The following CDH4 variants were observed in gnomAD, a reference collection of about 807,000 sequenced individuals.
CDH4 encodes the protein cadherin-4.
Under a neutral mutation model 86.0 loss-of-function variants are expected in CDH4, and 33 were observed. The observed-to-expected ratio is 0.38, with a 90% CI of 0.29 to 0.51. CDH4 has a LOEUF of 0.51. Among genes scored for constraint, CDH4 ranks in the 20% least tolerant of loss-of-function variants. The probability of loss-of-function intolerance (pLI) is 0.86; values close to 1 mark genes in which losing one functional copy is unlikely to be tolerated. For missense variants in CDH4, 1,114 were observed against 1,307.4 expected (o/e 0.85, Z 2.28); for synonymous variants, 555 against 549.4 (o/e 1.01, Z -0.14).
At chr20:61,830,433 A>T (rs1981543116) in intron 4 of CDH4, among the ~76,000 whole-genome samples, 1 of 151,776 alleles carries the variant, frequency 6.6e-6, no homozygotes, top group Non-Finnish European at 1.5e-5. Context: ...AGGGCAGCAC[A>T]CACCTCCCGG....
chr20:61,750,554 A>G (rs1986191091), intron 3 of CDH4, among the ~76,000 whole-genome samples: 1 of 152,232 alleles, frequency 6.6e-6, no homozygotes, highest in South Asian at 2.1e-4. Context: ...CAAATCTTAC[A>G]CAAACCTATC....
rs75601175 is a variant in CDH4 at position 61,582,222 on chromosome 20, C to T, written c.170-161341C>T. Among the ~76,000 whole-genome samples the T allele has an allele frequency of 3.7e-3, 566 of 152,358 alleles. 25 individuals are homozygous for T. In the East Asian group the frequency reaches 0.085, roughly 23 times the overall value. On this transcript the variant is annotated intron_variant, in intron 2 of 15. Coordinates refer to ENST00000614565, the MANE Select transcript of CDH4 (RefSeq NM_001794.5). This position sits in a 1 kb window ranked among gnomAD's most constrained non-coding sequence, Gnocchi z 4.2. ...GACCTCTGCAGCTTCTTCCTAATGC[C>T]GCCTCCCCACCTCCAATCACAGAGG... is the stretch of plus-strand genomic sequence containing the variant.
In CDH4 at chr20:61,560,645, G is replaced by A. The variant is rs73134549; in HGVS notation, c.170-182918G>A. On this transcript the variant is annotated intron_variant, in intron 2 of 15. Coordinates refer to ENST00000614565, the MANE Select transcript of CDH4 (RefSeq NM_001794.5). ...GCAGCCCCACCCGCGGGGCCCTGGCGAGGGCTGAGTGCCTGAGTCCACAGA... is the reference window on the plus strand; with the variant it reads ...GCAGCCCCACCCGCGGGGCCCTGGCAAGGGCTGAGTGCCTGAGTCCACAGA... Among the ~76,000 whole-genome samples, 600 of 152,346 alleles carry A rather than the reference G, an allele frequency of 3.9e-3. 3 individuals are homozygous for A. Among genetic ancestry groups the A allele is most frequent in the Non-Finnish European group, 6.6e-3 (448 of 68,040 alleles).
intron 2 of CDH4, among the ~76,000 whole-genome samples, chr20:61,315,480 C>T (rs980905425): frequency 3.9e-5 from 6 of 152,064 alleles, no homozygotes; most frequent in South Asian, 4.2e-4. Context: ...CCCATCAGCC[C>T]GGCTTCGGTG....
chr20:61,897,424 A>G (rs1373011692), intron 8 of CDH4, among the ~76,000 whole-genome samples: 1 of 151,866 alleles, frequency 6.6e-6, no homozygotes, highest in African/African-American at 2.4e-5. Context: ...ACTGACCAGC[A>G]CTGATCAGCC....
intron 2 of CDH4, among the ~76,000 whole-genome samples, chr20:61,526,884 T>C (rs2085914642): frequency 6.6e-6 from 1 of 152,190 alleles, no homozygotes; most frequent in South Asian, 2.1e-4. Flanking sequence ...AACTGAAAAA[T>C]TAACAAATGT....
chr20:61,698,584 T>C (rs978776592), intron 2 of CDH4, among the ~76,000 whole-genome samples: 2 of 152,234 alleles, frequency 1.3e-5, no homozygotes, highest in Admixed American at 1.3e-4. Flanking sequence ...GAGCTGGGAC[T>C]GGTGGGCTTG....
chr20:61,881,721 G>A (rs1323736641), intron 7 of CDH4, among the ~76,000 whole-genome samples: 4 of 152,202 alleles, frequency 2.6e-5, no homozygotes, highest in Non-Finnish European at 4.4e-5. Flanking sequence ...CGTCACAGCC[G>A]GAAGTCCAGG....
In CDH4 at chr20:61,518,498, TCATC is replaced by T. The variant is rs1297254157; in HGVS notation, c.170-225055_170-225052del. ...CATCCATCCTTCCATCATTGATTCA[TCATC>T]CATCCATCCGTCCATCTATCATCCA... On this transcript the variant is annotated intron_variant, in intron 2 of 15. Transcript: ENST00000614565. This position sits in a 1 kb window ranked among gnomAD's most constrained non-coding sequence, Gnocchi z 6.3. Among the ~76,000 whole-genome samples, 1 of 151,686 alleles carries T rather than the reference TCATC, an allele frequency of 6.6e-6. No individual in the cohort carries two copies. Among genetic ancestry groups the T allele is most frequent in the Non-Finnish European group, 1.5e-5 (1 of 67,886 alleles).
intron 8 of CDH4, among the ~76,000 whole-genome samples, chr20:61,908,268 G>A (rs2054813051): frequency 6.6e-6 from 1 of 152,176 alleles, no homozygotes; most frequent in Admixed American, 6.5e-5. Flanking sequence ...CTCCTGCCTG[G>A]GAAAGGGGAC....
intron 2 of CDH4, among the ~76,000 whole-genome samples, chr20:61,471,012 T>G (rs1009043660): frequency 2.0e-5 from 3 of 152,236 alleles, no homozygotes; most frequent in Non-Finnish European, 2.9e-5. Flanking sequence ...TTTTGATGTA[T>G]CTTTGTCTGG....
At chr20:61,468,089 C>T (rs1336951631) in intron 2 of CDH4, among the ~76,000 whole-genome samples, 1 of 152,216 alleles carries the variant, frequency 6.6e-6, no homozygotes, top group Admixed American at 6.5e-5. Context: ...ACTAGAGCCT[C>T]CATGTCCAGA....
At chr20:61,725,962 G>A (rs1246470055) in intron 2 of CDH4, among the ~76,000 whole-genome samples, 1 of 152,112 alleles carries the variant, frequency 6.6e-6, no homozygotes, top group Admixed American at 6.5e-5. Flanking sequence ...TCCACCCCAG[G>A]GCCTGGCTTC....
intron 2 of CDH4, among the ~76,000 whole-genome samples, chr20:61,540,520 G>A (rs2086032280): frequency 6.6e-6 from 1 of 152,104 alleles, no homozygotes; most frequent in Non-Finnish European, 1.5e-5. Flanking sequence ...GGCTGGTCTT[G>A]GGGTTTAGGA....
At chr20:61,505,211 A>G (rs2085731948) in intron 2 of CDH4, among the ~76,000 whole-genome samples, 3 of 152,176 alleles carry the variant, frequency 2.0e-5, no homozygotes, top group Admixed American at 6.5e-5. Flanking sequence ...GATGGCTAAA[A>G]AGAGTTAAAT....
chr20:61,687,091 C>T (rs906424397), intron 2 of CDH4, among the ~76,000 whole-genome samples: 1 of 152,176 alleles, frequency 6.6e-6, no homozygotes, highest in African/African-American at 2.4e-5. Flanking sequence ...ATTAGGCGAC[C>T]TCCCCGCACG....
chr20:61,530,720 G>A (rs747779879), intron 2 of CDH4, among the ~76,000 whole-genome samples: 10 of 152,246 alleles, frequency 6.6e-5, no homozygotes, highest in African/African-American at 1.4e-4. Flanking sequence ...ACCCTAAACC[G>A]TGGATGCTGG....
In CDH4 at chr20:61,703,111, G is replaced by T. The variant is rs1234127513; in HGVS notation, c.170-40452G>T. On this transcript the variant is annotated intron_variant, in intron 2 of 15. Transcript: ENST00000614565. This position sits in a 1 kb window ranked among gnomAD's most constrained non-coding sequence, Gnocchi z 4.3. Reference sequence around the variant, plus strand: ...TTGGCTGAATTTACACTCTGGTGGGGCAGGGGGCCACGGGATGTTAGAAAT... The same window carrying T: ...TTGGCTGAATTTACACTCTGGTGGGTCAGGGGGCCACGGGATGTTAGAAAT... Among the ~76,000 whole-genome samples the T allele has an allele frequency of 6.6e-6, 1 of 152,230 alleles. No individual in the cohort carries two copies. The highest frequency in any genetic ancestry group is 1.5e-5 in the Non-Finnish European group (1 of 68,042).
chr20:61,450,299 G>A (rs892666017), intron 2 of CDH4, among the ~76,000 whole-genome samples: 1 of 152,154 alleles, frequency 6.6e-6, no homozygotes, highest in Admixed American at 6.5e-5. Flanking sequence ...GGGAAATGAT[G>A]CTTCCAAGAG....
Sources: gnomAD v4.1 joint callset for allele counts (sites outside exome capture counted in the v4.1 genomes callset) on GRCh38, gnomAD v4.1.1 for gene constraint, Gnocchi (gnomAD v3.1) non-coding constraint, MANE v1.5 for transcripts, NCBI Gene and HGNC (gene_info 2026-07-23, HGNC 2026-07-21) for gene names.